The following CCDC148 variants were observed in gnomAD, a reference collection of about 807,000 sequenced individuals.
The protein encoded by CCDC148 is coiled-coil domain-containing protein 148.
In CCDC148, 89 loss-of-function variants were observed where a neutral mutation model predicts 85.7. That is an observed-to-expected ratio of 1.04 (90% CI 0.87 to 1.24). The LOEUF (loss-of-function observed/expected upper bound fraction) is 1.24. Ranked by LOEUF, CCDC148 falls within the 50% of genes most tolerant of loss-of-function variation. CCDC148 has a pLI of 0.00. For missense variants in CCDC148, 692 were observed against 671.7 expected (o/e 1.03, Z -0.33); for synonymous variants, 230 against 213.9 (o/e 1.08, Z -0.66).
At chr2:158,219,228 C>G (rs1431591338) in intron 11 of CCDC148, among the ~76,000 whole-genome samples, 2 of 152,148 alleles carry the variant, frequency 1.3e-5, no homozygotes, top group Non-Finnish European at 2.9e-5. Context: ...GGGAAGCTCA[C>G]TATTTAGAGG....
At chr2:158,362,936 GAA>G (rs1480706609) in intron 1 of CCDC148, among the ~76,000 whole-genome samples, 1 of 151,910 alleles carries the variant, frequency 6.6e-6, no homozygotes, top group Non-Finnish European at 1.5e-5. Context: ...TAATAAAGAA[GAA>G]AAGAGAGAAG....
chr2:158,218,894 A>G (rs1687027140), intron 11 of CCDC148, among the ~76,000 whole-genome samples: 1 of 152,204 alleles, frequency 6.6e-6, no homozygotes, highest in Non-Finnish European at 1.5e-5. Context: ...TAAAATCCTG[A>G]GCTACCTGGG....
At chr2:158,230,204 G>A (rs1443413920) in intron 10 of CCDC148, among the ~76,000 whole-genome samples, 1 of 152,146 alleles carries the variant, frequency 6.6e-6, no homozygotes, top group Non-Finnish European at 1.5e-5. Context: ...CTGTCTTGTG[G>A]AACTGAGACT....
At chr2:158,362,754 A>C (rs1190824317) in intron 1 of CCDC148, among the ~76,000 whole-genome samples, 1 of 152,194 alleles carries the variant, frequency 6.6e-6, no homozygotes, top group African/African-American at 2.4e-5. Context: ...CATCACAATA[A>C]AAAGAATTAG....
chr2:158,408,301 T>C (rs1001504356), intron 1 of CCDC148, among the ~76,000 whole-genome samples: 15 of 152,292 alleles, frequency 9.8e-5, no homozygotes, highest in Non-Finnish European at 7.4e-5. Context: ...TTATTAACTA[T>C]AGTCATATTG....
intron 7 of CCDC148, among the ~76,000 whole-genome samples, chr2:158,318,199 G>A (rs1236658726): frequency 2.0e-5 from 3 of 152,132 alleles, no homozygotes; most frequent in Admixed American, 2.0e-4. Context: ...GTTTATAGGA[G>A]GCTCCCTGCT....
At chr2:158,196,805 CTATGTGTTTATATCTGTGTGTT>C (rs1685697328) in intron 11 of CCDC148, among the ~76,000 whole-genome samples, 1 of 151,098 alleles carries the variant, frequency 6.6e-6, no homozygotes, top group Admixed American at 6.6e-5. Context: ...ACTTGTGTGT[CTATGTGTTTATATCTGTGTGTT>C]TATGTGTTCA....
chr2:158,277,157 C>G (rs1433331421), intron 9 of CCDC148, among the ~76,000 whole-genome samples: 1 of 152,154 alleles, frequency 6.6e-6, no homozygotes, highest in African/African-American at 2.4e-5. Context: ...AGAATTTTCC[C>G]AGTGCCATTG....
intron 9 of CCDC148, among the ~76,000 whole-genome samples, chr2:158,291,406 A>C (rs759912544): frequency 2.0e-5 from 3 of 151,800 alleles, no homozygotes; most frequent in Admixed American, 6.6e-5. Flanking sequence ...CTCTCATTAC[A>C]CTCTGATTCA....
intron 7 of CCDC148, among the ~76,000 whole-genome samples, chr2:158,330,056 T>C (rs1693012893): frequency 6.6e-6 from 1 of 152,020 alleles, no homozygotes; most frequent in Middle Eastern, 3.4e-3. Flanking sequence ...TGAATAGGAG[T>C]GGTGAGAGAG....
intron 7 of CCDC148, among the ~76,000 whole-genome samples, chr2:158,323,384 C>T (rs1050393338): frequency 6.6e-6 from 1 of 152,144 alleles, no homozygotes; most frequent in African/African-American, 2.4e-5. Context: ...TATTGTGGAA[C>T]TATTGCATTA....
intron 1 of CCDC148, among the ~76,000 whole-genome samples, chr2:158,437,262 CA>C (rs1687703167): frequency 6.6e-6 from 1 of 152,166 alleles, no homozygotes; most frequent in South Asian, 2.1e-4. Context: ...AGCAGCACAT[CA>C]AAAAGCTTAT....
intron 10 of CCDC148, among the ~76,000 whole-genome samples, chr2:158,245,185 T>G (rs1336743371): frequency 6.6e-6 from 1 of 152,164 alleles, no homozygotes; most frequent in Non-Finnish European, 1.5e-5. Context: ...TTTATGACAG[T>G]CTACTGGTTT....
At chr2:158,188,462 A>G (rs1177976345) in intron 11 of CCDC148, among the ~76,000 whole-genome samples, 1 of 150,594 alleles carries the variant, frequency 6.6e-6, no homozygotes, top group Non-Finnish European at 1.5e-5. Flanking sequence ...CAGTAATTAG[A>G]TACCAGAGCC....
rs116119491 is a variant in CCDC148 at position 158,199,834 on chromosome 2, C to T, written c.1370+20761G>A. Among the ~76,000 whole-genome samples, 415 of 152,212 alleles carry T rather than the reference C, an allele frequency of 2.7e-3. 1 individual carries two copies. Among genetic ancestry groups the T allele is most frequent in the African/African-American group, 9.4e-3 (390 of 41,550 alleles). The stretch of plus-strand genomic sequence containing the variant: ...AAAGGGTCAAATGATATAAATCATC[C>T]ACTTGTGTCTCATGATAATTAAAGA... On this transcript the variant is annotated intron_variant, in intron 11 of 13. Coordinates refer to ENST00000283233, the MANE Select transcript of CCDC148 (RefSeq NM_138803.4).
At chr2:158,194,104 T>G (rs1308493716) in intron 11 of CCDC148, among the ~76,000 whole-genome samples, 1 of 152,122 alleles carries the variant, frequency 6.6e-6, no homozygotes, top group Non-Finnish European at 1.5e-5. Flanking sequence ...AAGTTATTAC[T>G]CAACTAACAT....
intron 1 of CCDC148, among the ~76,000 whole-genome samples, chr2:158,428,100 G>A (rs913134160): frequency 6.6e-6 from 1 of 152,134 alleles, no homozygotes; most frequent in East Asian, 1.9e-4. Flanking sequence ...ATCTTTGGAA[G>A]GTCACTTTAT....
intron 9 of CCDC148, among the ~76,000 whole-genome samples, chr2:158,301,432 C>T (rs1691436704): frequency 6.6e-6 from 1 of 152,206 alleles, no homozygotes; most frequent in African/African-American, 2.4e-5. Flanking sequence ...TTGAGGCATT[C>T]AGCCTTCTAA....
chr2:158,343,484 G>A, intron 3 of CCDC148, among the ~76,000 whole-genome samples: 1 of 152,166 alleles, frequency 6.6e-6, no homozygotes, highest in East Asian at 1.9e-4. Context: ...AACATACTCG[G>A]TTGGTGCAAA....
Sources: allele counts gnomAD v4.1 joint callset (sites outside exome capture counted in the v4.1 genomes callset), GRCh38; gene constraint gnomAD v4.1.1; transcripts MANE v1.5; gene names NCBI Gene and HGNC (gene_info 2026-07-23, HGNC 2026-07-21).